Variants in FBLN7 observed in about 807,000 individuals in gnomAD.
FBLN7 encodes the protein fibulin-7.
A neutral mutation model predicts 44.0 loss-of-function variants in FBLN7; 31 were observed. That is an observed-to-expected ratio of 0.70 (90% confidence interval 0.53 to 0.95). FBLN7 has a LOEUF of 0.95. FBLN7 is among the 40% of genes least tolerant of loss of function. The pLI is 0.00. For synonymous variants in FBLN7, 262 were observed against 253.4 expected, an observed-to-expected ratio of 1.03 and a Z score of -0.32; for missense variants, 573 against 618.5, an observed-to-expected ratio of 0.93 and a Z score of 0.78.
chr2:112,202,869 T>C, the FBLN7 span, among the ~76,000 whole-genome samples: 1 of 152,110 alleles, frequency 6.6e-6, no homozygotes, highest in Non-Finnish European at 1.5e-5. Flanking sequence ...AAATTCACTA[T>C]TTGATCTCAC....
In FBLN7 at chr2:112,165,068, C is replaced by T. The variant is rs546740804; in HGVS notation, c.303C>T (p.His101=). The T allele has an allele frequency of 1.5e-4, 249 of 1,614,196 alleles. 1 individual carries two copies. The South Asian group carries it at 2.5e-3, about 16-fold the overall frequency. The change falls in exon 3 of 8, where the codon CAC becomes CAT. Residue 101 remains histidine (H), a synonymous_variant. Transcript: ENST00000331203. ...RKFGSKYLVD[H]EVHFTCNPGF... Reference sequence around the variant, plus strand: ...TTGGAAGCAAGTACTTAGTGGATCACGAAGTCCATTTTACCTGCAACCCTG... The same window carrying T: ...TTGGAAGCAAGTACTTAGTGGATCATGAAGTCCATTTTACCTGCAACCCTG...
rs529581326 is a variant in FBLN7 at position 112,160,048 on chromosome 2, T to A, written c.235+213T>A. 2.6e-5 allele frequency among the ~76,000 whole-genome samples: 4 copies of A among 152,272 alleles called. No homozygotes were observed. In the South Asian group the frequency reaches 8.3e-4, roughly 32 times the overall value. ...CTCTGTCGCCCAGGCTGGAGTGCAG[T>A]GGCGCGATCTCGGCTCACTGCAAGC... On this transcript the variant is annotated intron_variant, in intron 2 of 7. Transcript: ENST00000331203.
At chr2:112,188,440 G>A (rs1434246265), downstream of FBLN7, 2 of 152,206 alleles carry the variant, frequency 1.3e-5, no homozygotes, top group Non-Finnish European at 2.9e-5. Flanking sequence ...AGTTGTCATA[G>A]ATTCCATGGC....
chr2:112,225,863 C>G, the FBLN7 span, among the ~76,000 whole-genome samples: 20 of 151,730 alleles, frequency 1.3e-4, no homozygotes, highest in Non-Finnish European at 2.2e-4. Context: ...AAGTGGATCA[C>G]CTGAGGTCAG....
the FBLN7 span, among the ~76,000 whole-genome samples, chr2:112,200,100 A>T: frequency 6.6e-6 from 1 of 152,080 alleles, no homozygotes; most frequent in African/African-American, 2.4e-5. Flanking sequence ...AGTAAACCTG[A>T]CTTTGTTGAC....
At chr2:112,190,543 A>C (rs1428458662), downstream of FBLN7, 1 of 152,178 alleles carries the variant, frequency 6.6e-6, no homozygotes, top group Admixed American at 6.5e-5. Context: ...CTTTGAGTAC[A>C]TTATGAACTC....
In FBLN7 at chr2:112,157,587, C is replaced by T. The variant is rs1016858056; in HGVS notation, c.76-2089C>T. ...ATCCCTCCCCACTTGATTCACCCCTCCTTTACTATTTTTCATGTCCTGGCT... is the reference window on the plus strand; with the variant it reads ...ATCCCTCCCCACTTGATTCACCCCTTCTTTACTATTTTTCATGTCCTGGCT... On this transcript the variant is annotated intron_variant, in intron 1 of 7. Transcript: ENST00000331203. Among the ~76,000 whole-genome samples the T allele has an allele frequency of 2.0e-5, 3 of 152,026 alleles. No individual in the cohort carries two copies. In the South Asian group the frequency reaches 6.2e-4, roughly 32 times the overall value.
In FBLN7 at chr2:112,187,779, G is replaced by A. The variant is rs151249491; in HGVS notation, c.*273G>A. ...CTTTCTTAAAACTTTTTCATCCAGGGGATGGGTGGCTTTCCAAAATGCTGT... is the reference window on the plus strand; with the variant it reads ...CTTTCTTAAAACTTTTTCATCCAGGAGATGGGTGGCTTTCCAAAATGCTGT... On this transcript the variant is annotated 3_prime_UTR_variant, in exon 8 of 8. Coordinates refer to ENST00000331203, the MANE Select transcript of FBLN7 (RefSeq NM_153214.3). This position sits in a 1 kb window ranked among gnomAD's most constrained non-coding sequence, Gnocchi z 5.1. 5.9e-4 allele frequency: 306 copies of A among 517,802 alleles called. No homozygotes were observed. Among genetic ancestry groups the A allele is most frequent in the Non-Finnish European group, 8.9e-4 (264 of 296,758 alleles). 32.1% of individuals were successfully genotyped at this position (517,802 alleles called of 1,614,324 possible).
At chr2:112,241,102 C>CT in the FBLN7 span, among the ~76,000 whole-genome samples, 7 of 151,650 alleles carry the variant, frequency 4.6e-5, no homozygotes, top group Non-Finnish European at 8.8e-5. Flanking sequence ...AAGTTATGCT[C>CT]TAAAGGGTGG....
chr2:112,175,785 T>A lies in FBLN7; in HGVS notation c.478T>A (p.Cys160Ser), dbSNP rs766308453. 6.2e-6 allele frequency: 10 copies of A among 1,614,106 alleles called. No homozygotes were observed. The highest frequency in any genetic ancestry group is 7.6e-6 in the Non-Finnish European group (9 of 1,180,038). Reference protein sequence around the residue: ...TCVEGVNQYRCICPPGRTGNR... With the variant: ...TCVEGVNQYRSICPPGRTGNR... ...TGTAGAAGGAGTCAACCAGTACAGA[T>A]GCATTTGTCCTCCAGGAAGGACTGG... Residue 160 changes from cysteine to serine, a missense_variant, in exon 4 of 8, where the codon TGC becomes AGC. By Grantham distance (112) the Cys-to-Ser change is moderately radical (BLOSUM62 -1). Transcript: ENST00000331203.
chr2:112,175,880 T>C (rs1268547962), intron 4 of FBLN7, 41 bp downstream of exon 4: 3 of 1,602,536 alleles, frequency 1.9e-6, no homozygotes, highest in African/African-American at 1.3e-5. Flanking sequence ...CATCCTGCTG[T>C]GGGGAGAGGA....
At chr2:112,184,340 C>T (rs1461594700) in intron 6 of FBLN7, among the ~76,000 whole-genome samples, 4 of 152,248 alleles carry the variant, frequency 2.6e-5, no homozygotes, top group African/African-American at 9.6e-5. Flanking sequence ...GGTGGCTCCC[C>T]GGTGACATCC....
the FBLN7 span, among the ~76,000 whole-genome samples, chr2:112,226,198 A>G: frequency 6.6e-6 from 1 of 152,194 alleles, no homozygotes; most frequent in Admixed American, 6.5e-5. Context: ...AATTAATGGA[A>G]AGATACAAAT....
At chr2:112,141,566 C>T (rs1163445111) in intron 1 of FBLN7, among the ~76,000 whole-genome samples, 5 of 152,174 alleles carry the variant, frequency 3.3e-5, no homozygotes, top group African/African-American at 9.7e-5. Flanking sequence ...TTTGGGGCCA[C>T]GCTAAACCCA....
At chr2:112,150,535 A>C (rs1041778029) in intron 1 of FBLN7, among the ~76,000 whole-genome samples, 2 of 152,156 alleles carry the variant, frequency 1.3e-5, no homozygotes, top group African/African-American at 4.8e-5. Flanking sequence ...CTAGTAAGAT[A>C]ATGTGCTCAT....
Position 112,187,149 on chromosome 2 carries a change from C to T in FBLN7, c.963C>T (p.Asn321=), listed in dbSNP as rs1003977294. The T allele has an allele frequency of 1.9e-6, 3 of 1,613,914 alleles. No homozygotes were observed. The highest frequency in any genetic ancestry group is 2.5e-6 in the Non-Finnish European group (3 of 1,180,018). ...TCCGCTCCAGCCAGTGTGAGCGGAA[C>T]CCCTGCCCCATGGACAGCAGGCCCT... The part of the protein sequence containing the change: ...VKTSPFQCER[N]PCPMDSRPCR... The change falls in exon 8 of 8, where the codon AAC becomes AAT. Residue 321 remains asparagine (N), a synonymous_variant. Coordinates refer to ENST00000331203, the MANE Select transcript of FBLN7 (RefSeq NM_153214.3). The surrounding 1 kb of genome is among the most constrained non-coding windows in gnomAD (Gnocchi z 5.1).
intron 3 of FBLN7, among the ~76,000 whole-genome samples, chr2:112,168,882 G>C (rs1233550915): frequency 6.6e-6 from 1 of 152,132 alleles, no homozygotes; most frequent in South Asian, 2.1e-4. Flanking sequence ...TGTCATAATT[G>C]TCCCTCACTC....
Position 112,187,762 on chromosome 2 carries a change from A to T in FBLN7, c.*256A>T, listed in dbSNP as rs1683345675. On this transcript the variant is annotated 3_prime_UTR_variant, in exon 8 of 8. Coordinates refer to ENST00000331203, the MANE Select transcript of FBLN7 (RefSeq NM_153214.3). The surrounding 1 kb of genome is among the most constrained non-coding windows in gnomAD (Gnocchi z 5.1). ...CTTAGATTATGCACTAACTTTCTTA[A>T]AACTTTTTCATCCAGGGGATGGGTG... 1.2e-5 allele frequency: 6 copies of T among 516,496 alleles called. No homozygotes were observed. Among genetic ancestry groups the T allele is most frequent in the Non-Finnish European group, 2.0e-5 (6 of 297,172 alleles). 32.0% of individuals were successfully genotyped at this position (516,496 alleles called of 1,614,324 possible).
At chr2:112,216,834 AAG>A in the FBLN7 span, among the ~76,000 whole-genome samples, 10 of 152,090 alleles carry the variant, frequency 6.6e-5, no homozygotes, top group Admixed American at 3.9e-4. Flanking sequence ...CAAAAGCAGA[AAG>A]AGAACAAAAA....
Sources: allele counts gnomAD v4.1 joint callset (sites outside exome capture counted in the v4.1 genomes callset), GRCh38; gene constraint gnomAD v4.1.1; non-coding constraint Gnocchi (gnomAD v3.1); transcripts MANE v1.5; gene names NCBI Gene and HGNC (gene_info 2026-07-23, HGNC 2026-07-21).